Variants in FRMD3 observed in about 807,000 individuals in gnomAD.
The protein encoded by FRMD3 is FERM domain containing 3.
A neutral mutation model predicts 70.2 loss-of-function variants in FRMD3; 33 were observed. The observed-to-expected ratio is 0.47, with a 90% confidence interval of 0.36 to 0.63. The LOEUF (loss-of-function observed/expected upper bound fraction) is 0.63, where lower values mean the gene tolerates loss of function less well. FRMD3 is among the 20% of genes least tolerant of loss of function. The pLI is 0.00. For missense variants in FRMD3, 632 were observed against 711.4 expected, an observed-to-expected ratio of 0.89 and a Z score of 1.27; for synonymous variants, 279 against 255.9, an observed-to-expected ratio of 1.09 and a Z score of -0.86.
chr9:83,371,225 A>C (rs1230455877), intron 3 of FRMD3, among the ~76,000 whole-genome samples: 1 of 152,230 alleles, frequency 6.6e-6, no homozygotes, highest in Non-Finnish European at 1.5e-5. Flanking sequence ...AAGGAATAAA[A>C]GCTAGGAATC....
In FRMD3 at chr9:83,247,344, A is replaced by C; in HGVS notation, c.*574T>G. The stretch of plus-strand genomic sequence containing the variant: ...AATTCTGATATACCTTTTGTGCATT[A>C]GTCTTACAATCTGTACATGTAAATA... On this transcript the variant is annotated 3_prime_UTR_variant, in exon 14 of 14. Coordinates refer to ENST00000304195, the MANE Select transcript of FRMD3 (RefSeq NM_174938.6). 2.0e-6 allele frequency: 2 copies of C among 983,920 alleles called. No individual in the cohort carries two copies. Among genetic ancestry groups the C allele is most frequent in the Non-Finnish European group, 2.4e-6 (2 of 829,094 alleles). The allele number at this position is 983,920 out of a possible 1,614,324, so 60.9% of individuals were successfully genotyped here.
chr9:83,499,389 A>C (rs1324160778), intron 1 of FRMD3, among the ~76,000 whole-genome samples: 1 of 152,004 alleles, frequency 6.6e-6, no homozygotes, highest in Non-Finnish European at 1.5e-5. Flanking sequence ...CAGCTGTCTG[A>C]CTCTTGACTG....
At chr9:83,568,955 G>GATAGATAGATAGATACATAC in the FRMD3 span, among the ~76,000 whole-genome samples, 11 of 130,838 alleles carry the variant, frequency 8.4e-5, no homozygotes, top group East Asian at 4.7e-4. Flanking sequence ...TAGATAGATA[G>GATAGATAGATAGATACATAC]ATACATACAT....
chr9:83,441,473 T>C (rs1430479171), intron 1 of FRMD3, among the ~76,000 whole-genome samples: 1 of 152,104 alleles, frequency 6.6e-6, no homozygotes, highest in African/African-American at 2.4e-5. Flanking sequence ...AAAAGTCACA[T>C]TGAGCCAAGT....
chr9:83,558,213 T>C, the FRMD3 span, among the ~76,000 whole-genome samples: 1 of 152,198 alleles, frequency 6.6e-6, no homozygotes, highest in Non-Finnish European at 1.5e-5. Flanking sequence ...TGCATTTAAA[T>C]TGAAAATTAA....
chr9:83,293,775 G>T (rs1834544419), intron 12 of FRMD3, among the ~76,000 whole-genome samples: 1 of 152,220 alleles, frequency 6.6e-6, no homozygotes, highest in South Asian at 2.1e-4. Flanking sequence ...GGGGCATATA[G>T]GACGTGCCTT....
chr9:83,558,449 T>C, the FRMD3 span, among the ~76,000 whole-genome samples: 1 of 152,190 alleles, frequency 6.6e-6, no homozygotes, highest in African/African-American at 2.4e-5. Flanking sequence ...CTGACATCTG[T>C]ATGTGCTGAA....
rs1824050426 is a variant in FRMD3 at position 83,348,900 on chromosome 9, C to A, written c.374+779G>T. ...AACAAGGAAGCAAAATATCCAAGAA[C>A]CCAAAACCTCCCCCTGCCAATGATC... is the stretch of plus-strand genomic sequence containing the variant. On this transcript the variant is annotated intron_variant, in intron 4 of 13. Coordinates refer to ENST00000304195, the MANE Select transcript of FRMD3 (RefSeq NM_174938.6). Among the ~76,000 whole-genome samples, 3 of 152,288 alleles carry A rather than the reference C, an allele frequency of 2.0e-5. No individual in the cohort carries two copies. The South Asian group carries it at 6.2e-4, about 32-fold the overall frequency.
At chr9:83,439,884 G>C (rs1305413661) in intron 1 of FRMD3, among the ~76,000 whole-genome samples, 1 of 152,124 alleles carries the variant, frequency 6.6e-6, no homozygotes, top group Non-Finnish European at 1.5e-5. Context: ...AAAATAAGGA[G>C]AAACTGGTAG....
intron 1 of FRMD3, among the ~76,000 whole-genome samples, chr9:83,413,893 A>G (rs758987811): frequency 6.6e-6 from 1 of 152,240 alleles, no homozygotes; most frequent in Non-Finnish European, 1.5e-5. Context: ...GGCATTGTCT[A>G]TTATATTACC....
In FRMD3 at chr9:83,537,615, GGCGTCTCCGGAGCCTGGGCGCGGGA is replaced by G. The variant is rs1156680375; in HGVS notation, c.147+445_147+469del. Among the ~76,000 whole-genome samples, 1 of 152,172 alleles carries G rather than the reference GGCGTCTCCGGAGCCTGGGCGCGGGA, an allele frequency of 6.6e-6. No homozygotes were observed. The highest frequency in any genetic ancestry group is 6.5e-5 in the Admixed American group (1 of 15,282). ...GCGGAAAGCAGGTTCCGGGACTGAGGGCGTCTCCGGAGCCTGGGCGCGGGAGACAGAAATGAGTGAACCCAGCTGA... is the reference window on the plus strand; with the variant it reads ...GCGGAAAGCAGGTTCCGGGACTGAGGGACAGAAATGAGTGAACCCAGCTGA... On this transcript the variant is annotated intron_variant, in intron 1 of 13. Coordinates refer to ENST00000304195, the MANE Select transcript of FRMD3 (RefSeq NM_174938.6). The surrounding 1 kb of genome is among the most constrained non-coding windows in gnomAD (Gnocchi z 4.1).
At chr9:83,521,600 G>A (rs1829573062) in intron 1 of FRMD3, among the ~76,000 whole-genome samples, 2 of 152,176 alleles carry the variant, frequency 1.3e-5, no homozygotes, top group African/African-American at 4.8e-5. Flanking sequence ...TCTTGCCCAA[G>A]TGTGAGCCAA....
At chr9:83,402,370 C>G (rs1204455313) in intron 1 of FRMD3, among the ~76,000 whole-genome samples, 1 of 151,280 alleles carries the variant, frequency 6.6e-6, no homozygotes, top group African/African-American at 2.4e-5. Context: ...CCTCTGCACA[C>G]TCTGTCTGTC....
At chr9:83,569,425 G>A in the FRMD3 span, among the ~76,000 whole-genome samples, 10 of 152,310 alleles carry the variant, frequency 6.6e-5, no homozygotes, top group South Asian at 6.2e-4. Context: ...ACCCACAGGC[G>A]TCTGCCTGGC....
chr9:83,564,108 C>T, the FRMD3 span, among the ~76,000 whole-genome samples: 3 of 152,268 alleles, frequency 2.0e-5, no homozygotes, highest in African/African-American at 2.4e-5. Flanking sequence ...AGAGGCTGGC[C>T]TCTCTCTAGG....
intron 10 of FRMD3, among the ~76,000 whole-genome samples, chr9:83,302,305 G>C (rs1834958768): frequency 6.6e-6 from 1 of 152,126 alleles, no homozygotes; most frequent in African/African-American, 2.4e-5. Flanking sequence ...ACCTTAAGGG[G>C]ATTCCAAGAA....
the FRMD3 span, among the ~76,000 whole-genome samples, chr9:83,568,844 A>T: frequency 4.5e-3 from 684 of 152,250 alleles, 6 homozygotes; most frequent in African/African-American, 0.016. Flanking sequence ...GCTTAAATAG[A>T]TCATGCCACA....
At chr9:83,419,520 T>C (rs906912779) in intron 1 of FRMD3, among the ~76,000 whole-genome samples, 7 of 150,738 alleles carry the variant, frequency 4.6e-5, no homozygotes, top group African/African-American at 1.7e-4. Flanking sequence ...GTGTGTGTGA[T>C]ATGTGTTCAT....
At chr9:83,325,752 C>T (rs1291951483) in intron 6 of FRMD3, among the ~76,000 whole-genome samples, 1 of 152,208 alleles carries the variant, frequency 6.6e-6, no homozygotes, top group Non-Finnish European at 1.5e-5. Flanking sequence ...CCATTTTAAT[C>T]TGAAACTAAA....
Sources: allele counts gnomAD v4.1 joint callset (sites outside exome capture counted in the v4.1 genomes callset), GRCh38; gene constraint gnomAD v4.1.1; non-coding constraint Gnocchi (gnomAD v3.1); transcripts MANE v1.5; gene names NCBI Gene and HGNC (gene_info 2026-07-23, HGNC 2026-07-21).